PGAM5: variants seen among roughly 807,000 people sequenced by gnomAD.
PGAM5 encodes serine/threonine-protein phosphatase PGAM5, mitochondrial.
PGAM5 carries 25 observed loss-of-function variants against 30.6 expected under a neutral mutation model. That is an observed-to-expected ratio of 0.82 (90% CI 0.60 to 1.14). The LOEUF is 1.14. PGAM5 is among the 50% of genes most tolerant of loss of function. The probability of loss-of-function intolerance (pLI) is 0.00; values close to 1 mark genes in which losing one functional copy is unlikely to be tolerated. For missense variants in PGAM5, 384 were observed against 408.5 expected (o/e 0.94, Z 0.52); for synonymous variants, 201 against 179.1 (o/e 1.12, Z -0.98).
At position 132,720,831 on chromosome 12, in the gene PGAM5, G is replaced by GCTCC. The variant is rs749972466; in HGVS notation, c.*4_*7dup. 9 of 1,535,584 alleles carry GCTCC rather than the reference G, an allele frequency of 5.9e-6. No homozygotes were observed. In the South Asian group the frequency reaches 8.3e-5, roughly 14 times the overall value. On this transcript the variant is annotated 3_prime_UTR_variant, in exon 6 of 6. Coordinates refer to ENST00000498926, the MANE Select transcript of PGAM5 (RefSeq NM_001170543.2). ...CCGACAAGATCACTCGATCCTGAGG[G>GCTCC]CTCCGGCCTCTCCTTCCCTCTGTCC...
At chr12:132,712,236 C>T (rs915764449) in intron 1 of PGAM5, among the ~76,000 whole-genome samples, 2 of 152,136 alleles carry the variant, frequency 1.3e-5, no homozygotes, top group Admixed American at 6.5e-5. Flanking sequence ...ATTGAGATTT[C>T]CTCAGCTTTT....
chr12:132,711,075 C>G lies in PGAM5; in HGVS notation c.191+8C>G. 8.3e-7 allele frequency: 1 copy of G among 1,208,754 alleles called. No individual in the cohort carries two copies. The highest frequency in any genetic ancestry group is 1.0e-6 in the Non-Finnish European group (1 of 972,738). The allele number at this position is 1,208,754 out of a possible 1,614,324, so 74.9% of individuals were successfully genotyped here. The stretch of plus-strand genomic sequence containing the variant: ...GGACCCCAACTGGGACAGGTGCGCG[C>G]GGGGCTGTTTGGGGCCGGGGTCGGG... On this transcript the variant is annotated splice_region_variant and intron_variant, in intron 1 of 5. Transcript: ENST00000498926.
chr12:132,720,558 G>A, intron 5 of PGAM5, 120 bp from the exon 6 acceptor site: 2 of 1,006,084 alleles, frequency 2.0e-6, no homozygotes, highest in South Asian at 3.4e-5. Context: ...CCACCCGCCT[G>A]GCCTCCCAAA....
intron 1 of PGAM5, 80 bp from the exon 2 acceptor site, chr12:132,714,778 A>G (rs1401214501): frequency 1.3e-6 from 2 of 1,511,658 alleles, no homozygotes; most frequent in Admixed American, 3.5e-5. Flanking sequence ...TAGTCTGACA[A>G]TTTGGAAATA....
At chr12:132,714,166 T>C (rs1384304737) in intron 1 of PGAM5, among the ~76,000 whole-genome samples, 2 of 152,066 alleles carry the variant, frequency 1.3e-5, no homozygotes, top group African/African-American at 2.4e-5. Context: ...CACAGGCGTG[T>C]GCCACCAAGC....
At position 132,714,873 on chromosome 12, in the gene PGAM5, T is replaced by G; in HGVS notation, c.207T>G (p.Ser69=). The G allele has an allele frequency of 6.2e-7, 1 of 1,613,710 alleles. No homozygotes were observed. The highest frequency in any genetic ancestry group is 1.7e-4 in the Middle Eastern group (1 of 6,060). The change falls in exon 2 of 6, where the codon TCT becomes TCG. Residue 69 remains serine (S), a synonymous_variant. Coordinates refer to ENST00000498926, the MANE Select transcript of PGAM5 (RefSeq NM_001170543.2). ...DPNWDRREPL[S]LINVRKRNVE... is the part of the protein sequence containing the mutation. Reference sequence around the variant, plus strand: ...TCAACATCAGGCGAGAACCACTGTCTCTGATCAACGTGCGGAAGAGGAACG... The same window carrying G: ...TCAACATCAGGCGAGAACCACTGTCGCTGATCAACGTGCGGAAGAGGAACG...
In PGAM5 at chr12:132,721,121, G is replaced by A. The variant is rs1012818294; in HGVS notation, c.*293G>A. 2 of 264,832 alleles carry A rather than the reference G, an allele frequency of 7.6e-6. No homozygotes were observed. The highest frequency in any genetic ancestry group is 1.4e-5 in the Non-Finnish European group (2 of 138,940). 16.4% of individuals were successfully genotyped at this position (264,832 alleles called of 1,614,324 possible). ...AGGCCTGACCCAGACCACCATGTTCGCACCCACAGCTGACCCGTGCTGAGG... is the reference window on the plus strand; with the variant it reads ...AGGCCTGACCCAGACCACCATGTTCACACCCACAGCTGACCCGTGCTGAGG... On this transcript the variant is annotated 3_prime_UTR_variant, in exon 6 of 6. Transcript: ENST00000498926.
At chr12:132,712,552 G>A (rs1238487751) in intron 1 of PGAM5, among the ~76,000 whole-genome samples, 1 of 152,152 alleles carries the variant, frequency 6.6e-6, no homozygotes, top group Non-Finnish European at 1.5e-5. Flanking sequence ...CGCCTCCCGG[G>A]TTCAAGCAAT....
chr12:132,717,361 T>C, intron 2 of PGAM5, 78 bp from the exon 3 acceptor site: 1 of 1,373,366 alleles, frequency 7.3e-7, no homozygotes, highest in Non-Finnish European at 9.8e-7. Context: ...GGAGGGCGTG[T>C]TTGCGGGCGG....
At chr12:132,719,216 GCTGAGGGGGCCCT>G (rs1475440970) in intron 5 of PGAM5, 11 of 1,147,638 alleles carry the variant, frequency 9.6e-6, no homozygotes, top group Non-Finnish European at 1.2e-5. Flanking sequence ...GGGCTCCGCA[GCTGAGGGGGCCCT>G]CTTGAGTGTG....
chr12:132,717,220 C>T (rs1461379306), intron 2 of PGAM5, among the ~76,000 whole-genome samples: 2 of 151,800 alleles, frequency 1.3e-5, no homozygotes, highest in Non-Finnish European at 2.9e-5. Flanking sequence ...AGTGCCGGCC[C>T]CTCTGGCCCA....
intron 5 of PGAM5, 23 bp downstream of exon 5, chr12:132,718,143 G>A (rs1361061627): frequency 4.3e-6 from 7 of 1,611,778 alleles, no homozygotes; most frequent in South Asian, 1.1e-5. Flanking sequence ...TGGGCTGGGC[G>A]TGGTCTAAAA....
intron 5 of PGAM5, chr12:132,718,804 G>A (rs559167418): frequency 1.2e-6 from 2 of 1,613,580 alleles, no homozygotes; most frequent in Admixed American, 1.7e-5. Context: ...TGCTTCTGGG[G>A]TCCTGACCTC....
chr12:132,713,222 C>A (rs1240453453), intron 1 of PGAM5, among the ~76,000 whole-genome samples: 1 of 152,128 alleles, frequency 6.6e-6, no homozygotes, highest in Non-Finnish European at 1.5e-5. Flanking sequence ...CTCTTTTAAG[C>A]AGGTGTTCTG....
chr12:132,712,982 A>G (rs1273922706), intron 1 of PGAM5, among the ~76,000 whole-genome samples: 2 of 151,838 alleles, frequency 1.3e-5, no homozygotes, highest in African/African-American at 4.8e-5. Flanking sequence ...ACACGGTGAC[A>G]CTCTGTATTT....
chr12:132,716,562 C>T (rs1031659494), intron 2 of PGAM5, among the ~76,000 whole-genome samples: 3 of 152,064 alleles, frequency 2.0e-5, no homozygotes, highest in South Asian at 2.1e-4. Context: ...GTTGAACAGG[C>T]GGGACTGAGC....
At chr12:132,719,084 G>T (rs80207108) in intron 5 of PGAM5, 32,033 of 1,403,410 alleles carry the variant, frequency 0.023, 442 homozygotes, top group Non-Finnish European at 0.026. Flanking sequence ...GGGCCCCTTG[G>T]GGGGCAGGGC....
intron 5 of PGAM5, chr12:132,718,826 G>T: frequency 6.2e-7 from 1 of 1,613,430 alleles, no homozygotes. Flanking sequence ...TTCACTTGCT[G>T]ATCTGTGGGC....
chr12:132,718,984 G>T (rs766580161), intron 5 of PGAM5: 32 of 1,457,494 alleles, frequency 2.2e-5, no homozygotes, highest in Admixed American at 5.2e-5. Context: ...CAGCACCACA[G>T]AATGATCCGG....
Sources: gnomAD v4.1 joint callset for allele counts (sites outside exome capture counted in the v4.1 genomes callset) on GRCh38, gnomAD v4.1.1 for gene constraint, MANE v1.5 for transcripts, NCBI Gene and HGNC (gene_info 2026-07-23, HGNC 2026-07-21) for gene names.